Variants in TTN observed in about 807,000 individuals in gnomAD.
The protein encoded by TTN is connectin.
A neutral mutation model predicts 3,223.0 loss-of-function variants in TTN; 1,525 were observed. The observed-to-expected ratio is 0.47, with a 90% CI of 0.45 to 0.49. The LOEUF (loss-of-function observed/expected upper bound fraction) is 0.49. Among genes scored for constraint, TTN ranks in the 20% least tolerant of loss-of-function variants. The pLI is 0.00. For missense variants in TTN, 40,786 were observed against 43,424.0 expected, an observed-to-expected ratio of 0.94 and a Z score of 5.40; for synonymous variants, 14,094 against 15,161.0, an observed-to-expected ratio of 0.93 and a Z score of 5.17.
chr2:178,542,973 T>A (rs763778155), intron 347 of TTN, 24 bp from the exon 348 acceptor site: 2 of 1,562,314 alleles, frequency 1.3e-6, no homozygotes, highest in Non-Finnish European at 8.7e-7. Context: ...ATCAGGCATT[T>A]ATTCTTAAGC....
At chr2:178,584,243 C>T in intron 311 of TTN, 33 bp downstream of exon 311, 2 of 1,523,278 alleles carry the variant, frequency 1.3e-6, no homozygotes, top group East Asian at 2.3e-5. Flanking sequence ...AATACTAAAA[C>T]AACAACAACA....
chr2:178,549,893 T>A lies in TTN; in HGVS notation c.91853-24A>T, dbSNP rs904231491. On this transcript the variant is annotated intron_variant, in intron 337 of 362. Coordinates refer to ENST00000589042, the MANE Select transcript of TTN (RefSeq NM_001267550.2). The stretch of plus-strand genomic sequence containing the variant: ...ATCTATAAGAAAAAGTTTCTAGAGT[T>A]AGTTTCTTTTTCCTTGTCCATTAAA... The A allele has an allele frequency of 3.2e-6, 5 of 1,538,496 alleles. No homozygotes were observed. In the African/African-American group the frequency reaches 6.9e-5, roughly 21 times the overall value.
At chr2:178,601,213 T>C in intron 287 of TTN, 42 bp from the exon 288 acceptor site, 2 of 1,519,140 alleles carry the variant, frequency 1.3e-6, no homozygotes, top group Non-Finnish European at 1.8e-6. Flanking sequence ...TTGTTTATAA[T>C]AATATACTTC....
intron 69 of TTN, chr2:178,726,808 AT>A: frequency 6.9e-6 from 2 of 288,226 alleles, no homozygotes; most frequent in Non-Finnish European, 1.3e-5. Context: ...TGCCTACTTC[AT>A]TTTTTTGTGC....
Position 178,802,288 on chromosome 2 carries a change from A to G in TTN, c.145T>C (p.Ser49Pro), listed in dbSNP as rs531066665. 3.4e-5 allele frequency: 55 copies of G among 1,614,124 alleles called. No homozygotes were observed. Among genetic ancestry groups the G allele is most frequent in the Non-Finnish European group, 4.4e-5 (52 of 1,180,006 alleles). The change falls in exon 3 of 363, where the codon TCC becomes CCC. Residue 49 changes from serine (S) to proline (P), a missense_variant. Coordinates refer to ENST00000589042, the MANE Select transcript of TTN (RefSeq NM_001267550.2). ...GAGATCTGCACGCCGGGCAGAGTGG[A>G]AGTGGAAATCACCTGGCCATCCCTA... ...WFRDGQVIST[S>P]TLPGVQISFS...
In TTN at chr2:178,692,041, C is replaced by T. The variant is rs763013094; in HGVS notation, c.31737G>A (p.Lys10579=). ...PEEKKPVPVP[K]KEPAAPPKVP... ...CTTTTGGGGGAGCAGCAGGTTCCTT[C>T]TTAGGCACAGGAACTGGCTTTTTCT... Residue 10579 remains lysine (K), a synonymous_variant, in exon 121 of 363, where the codon AAG becomes AAA. Coordinates refer to ENST00000589042, the MANE Select transcript of TTN (RefSeq NM_001267550.2). 2.5e-6 allele frequency: 4 copies of T among 1,613,124 alleles called. No individual in the cohort carries two copies. In the South Asian group the frequency reaches 4.4e-5, roughly 18 times the overall value.
intron 63 of TTN, 44 bp from the exon 64 acceptor site, chr2:178,729,610 C>A: frequency 6.2e-7 from 1 of 1,613,112 alleles, no homozygotes; most frequent in South Asian, 1.1e-5. Context: ...AAGGGAAGAC[C>A]CCAAACTTAT....
chr2:178,573,335 C>T lies in TTN; in HGVS notation c.72797G>A (p.Gly24266Asp). ...TTTGTTGCATTTAATCCAGCGTTGG[C>T]CAGCTTTATCACGCCGTTCCACAAT... is the stretch of plus-strand genomic sequence containing the variant. Reference protein sequence around the residue: ...NYIVERRDKAGQRWIKCNKKT... With the variant: ...NYIVERRDKADQRWIKCNKKT... The change falls in exon 326 of 363, where the codon GGC becomes GAC. Residue 24266 changes from glycine to aspartate, a missense_variant. Gly to Asp is a moderately conservative substitution (Grantham distance 94). Transcript: ENST00000589042. 2 of 1,549,208 alleles carry T rather than the reference C, an allele frequency of 1.3e-6. No homozygotes were observed.
chr2:178,528,135 T>C (rs2154130728), intron 361 of TTN, 139 bp downstream of exon 361: 2 of 968,412 alleles, frequency 2.1e-6, no homozygotes, highest in Non-Finnish European at 3.0e-6. Flanking sequence ...ACTACAAGAA[T>C]GAATTCACAT....
Position 178,575,180 on chromosome 2 carries a change from A to T in TTN, c.70952T>A (p.Ile23651Asn). The T allele has an allele frequency of 6.2e-7, 1 of 1,612,710 alleles. No homozygotes were observed. The highest frequency in any genetic ancestry group is 8.5e-7 in the Non-Finnish European group (1 of 1,179,352). Reference sequence around the variant, plus strand: ...ACCGAGCACTGGAATTTCAACTTTGATGTTGTCACCAGCTTTGGCAATGAC... The same window carrying T: ...ACCGAGCACTGGAATTTCAACTTTGTTGTTGTCACCAGCTTTGGCAATGAC... ...KLVIAKAGDNIKVEIPVLGRP... is the reference protein window; with the variant it reads ...KLVIAKAGDNNKVEIPVLGRP... Residue 23651 changes from isoleucine (I) to asparagine (N), a missense_variant, in exon 326 of 363, where the codon ATC (isoleucine) becomes AAC (asparagine). By Grantham distance (149) the Ile-to-Asn change is moderately radical. Coordinates refer to ENST00000589042, the MANE Select transcript of TTN (RefSeq NM_001267550.2). The surrounding 1 kb of genome is among the most constrained non-coding windows in gnomAD (Gnocchi z 4.0).
intron 46 of TTN, chr2:178,753,553 T>G (rs1223073672): frequency 1.2e-5 from 2 of 167,952 alleles, no homozygotes. Context: ...GAACATGCAT[T>G]TTCTAAATTG....
chr2:178,569,393 G>C lies in TTN; in HGVS notation c.76739C>G (p.Thr25580Arg). ...NVNRYDSGKY[T>R]LTLENSSGTK... is the part of the protein sequence containing the mutation. Reference sequence around the variant, plus strand: ...TCCACTGCTGTTTTCTAATGTAAGCGTATATTTTCCACTATCATATCGGTT... The same window carrying C: ...TCCACTGCTGTTTTCTAATGTAAGCCTATATTTTCCACTATCATATCGGTT... Residue 25580 changes from threonine to arginine, a missense_variant, in exon 326 of 363, where the codon ACG (threonine) becomes AGG (arginine). By Grantham distance (71) the Thr-to-Arg change is moderately conservative. Transcript: ENST00000589042. 1 of 1,613,320 alleles carries C rather than the reference G, an allele frequency of 6.2e-7. No homozygotes were observed. Among genetic ancestry groups the C allele is most frequent in the East Asian group, 2.2e-5 (1 of 44,802 alleles).
rs773143754 is a variant in TTN at position 178,727,698 on chromosome 2, G to A, written c.19880C>T (p.Ser6627Leu). The change falls in exon 68 of 363, where the codon TCG (serine) becomes TTG (leucine). Residue 6627 changes from serine (S) to leucine (L), a missense_variant. By Grantham distance (145) the Ser-to-Leu change is moderately radical. Coordinates refer to ENST00000589042, the MANE Select transcript of TTN (RefSeq NM_001267550.2). ...TGAGTAGAGATTTAAGAAGCTAGTC[G>A]ACCCTTCCAAGCCAATGAAACATTT... ...GPKCFIGLEG[S>L]TSFLNLYSVD... The A allele has an allele frequency of 9.9e-6, 16 of 1,613,066 alleles. No homozygotes were observed. Among genetic ancestry groups the A allele is most frequent in the South Asian group, 8.8e-5 (8 of 91,028 alleles).
chr2:178,751,721 T>C, intron 47 of TTN: 1 of 1,613,362 alleles, frequency 6.2e-7, no homozygotes, highest in Non-Finnish European at 8.5e-7. Context: ...GGAAGAGTGA[T>C]GGTGTAAATC....
rs1215650714 is a variant in TTN, at chr2:178,562,718, T to C, written c.83414A>G (p.Lys27805Arg). ...GAKITNYIVE[K>R]RETTRKAYAT... ...ATAGGCTTTTCTTGTAGTTTCTCGTTTTTCGACAATGTAGTTTGTAATCTT... is the reference window on the plus strand; with the variant it reads ...ATAGGCTTTTCTTGTAGTTTCTCGTCTTTCGACAATGTAGTTTGTAATCTT... The change falls in exon 326 of 363, where the codon AAA (lysine) becomes AGA (arginine). Residue 27805 changes from lysine (K) to arginine (R), a missense_variant. Coordinates refer to ENST00000589042, the MANE Select transcript of TTN (RefSeq NM_001267550.2). The C allele has an allele frequency of 6.3e-7, 1 of 1,599,962 alleles. No individual in the cohort carries two copies. The highest frequency in any genetic ancestry group is 1.3e-5 in the African/African-American group (1 of 74,138).
chr2:178,718,574 C>A lies in TTN; in HGVS notation c.24532G>T (p.Ala8178Ser), dbSNP rs1164648572. The A allele has an allele frequency of 1.2e-6, 2 of 1,612,514 alleles. No individual in the cohort carries two copies. The highest frequency in any genetic ancestry group is 1.1e-5 in the South Asian group (1 of 90,966). The part of the protein sequence containing the change: ...KEPATFVKRL[A>S]DFSVETGSPI... ...CTTCCTGTCTCAACACTGAAATCAG[C>A]CAATCTTTTCACAAAGGTGGCTGGT... The change falls in exon 85 of 363, where the codon GCT becomes TCT. Residue 8178 changes from alanine (A) to serine (S), a missense_variant. Ala to Ser is a moderately conservative substitution (Grantham distance 99). Coordinates refer to ENST00000589042, the MANE Select transcript of TTN (RefSeq NM_001267550.2).
chr2:178,558,022 T>G lies in TTN; in HGVS notation c.87332A>C (p.Asp29111Ala). 1 of 1,613,916 alleles carries G rather than the reference T, an allele frequency of 6.2e-7. No individual in the cohort carries two copies. Among genetic ancestry groups the G allele is most frequent in the South Asian group, 1.1e-5 (1 of 91,084 alleles). ...TINLKESVTADAGRYEITAAN... is the reference protein window; with the variant it reads ...TINLKESVTAAAGRYEITAAN... Reference sequence around the variant, plus strand: ...AGCAGTGATTTCATATCTCCCAGCGTCAGCTGTAACACTTTCTTTGAGATT... The same window carrying G: ...AGCAGTGATTTCATATCTCCCAGCGGCAGCTGTAACACTTTCTTTGAGATT... Residue 29111 changes from aspartate to alanine, a missense_variant, in exon 328 of 363, where the codon GAC becomes GCC. By Grantham distance (126) the Asp-to-Ala change is moderately radical. Transcript: ENST00000589042.
At position 178,752,264 on chromosome 2, in the gene TTN, T is replaced by C. The variant is rs139408817; in HGVS notation, c.11311+860A>G. Among the ~76,000 whole-genome samples the C allele has an allele frequency of 7.2e-3, 1,090 of 152,134 alleles. 17 individuals are homozygous for C. The highest frequency in any genetic ancestry group is 0.025 in the African/African-American group (1,045 of 41,554). On this transcript the variant is annotated intron_variant, in intron 47 of 362. Transcript: ENST00000589042. ...TTGTCTGGTCTTTTCTTCAAACTGT[T>C]GAAATTTCTTCTTGAACAAGCAAAA... is the stretch of plus-strand genomic sequence containing the variant.
chr2:178,617,399 T>G lies in TTN; in HGVS notation c.47686A>C (p.Ile15896Leu). ...DGGSPILGYI[I>L]ERCEEGKDNW... ...TCTTTTCCTTCTTCGCATCGCTCAATTATATAGCCTAATATTGGGCTTCCT... is the reference window on the plus strand; with the variant it reads ...TCTTTTCCTTCTTCGCATCGCTCAAGTATATAGCCTAATATTGGGCTTCCT... The change falls in exon 254 of 363, where the codon ATT (isoleucine) becomes CTT (leucine). Residue 15896 changes from isoleucine to leucine, a missense_variant. Physicochemically the swap from Ile to Leu is conservative, Grantham distance 5. Coordinates refer to ENST00000589042, the MANE Select transcript of TTN (RefSeq NM_001267550.2). 6.3e-7 allele frequency: 1 copy of G among 1,591,888 alleles called. No homozygotes were observed.
Sources: gnomAD v4.1 joint callset for allele counts (sites outside exome capture counted in the v4.1 genomes callset) on GRCh38, gnomAD v4.1.1 for gene constraint, Gnocchi (gnomAD v3.1) non-coding constraint, MANE v1.5 for transcripts, NCBI Gene and HGNC (gene_info 2026-07-23, HGNC 2026-07-21) for gene names.